MGST1: variants seen among roughly 807,000 people sequenced by gnomAD.
MGST1 encodes the protein glutathione S-transferase 12.
Under a neutral mutation model 8.9 loss-of-function variants are expected in MGST1, and 5 were observed. The ratio of observed to expected loss-of-function variants is 0.56; its 90% confidence interval spans 0.29 to 1.19. The LOEUF (loss-of-function observed/expected upper bound fraction) is 1.19, where lower values mean the gene tolerates loss of function less well. Ranked by LOEUF, MGST1 falls within the 50% of genes most tolerant of loss-of-function variation. The probability of loss-of-function intolerance (pLI) is 0.08; values close to 1 mark genes in which losing one functional copy is unlikely to be tolerated. For synonymous variants in MGST1, 54 were observed against 67.8 expected (o/e 0.80, Z 1.00); for missense variants, 182 against 187.4 (o/e 0.97, Z 0.17).
chr12:16,546,839 A>G lies in MGST1; in HGVS notation n.483-42689A>G, dbSNP rs1941829711. ...CATTATCCACAAACCCACCCCAACC[A>G]AGCCTGCCAAAAGCAAAAAAATGTC... On this transcript the variant is annotated intron_variant and non_coding_transcript_variant, in intron 4 of 4. Transcript: ENST00000538857. This position sits in a 1 kb window ranked among gnomAD's most constrained non-coding sequence, Gnocchi z 4.7. 6.6e-6 allele frequency among the ~76,000 whole-genome samples: 1 copy of G among 151,756 alleles called. No individual in the cohort carries two copies. Among genetic ancestry groups the G allele is most frequent in the Non-Finnish European group, 1.5e-5 (1 of 67,794 alleles).
chr12:16,353,114 AG>A, intron 1 of MGST1, among the ~76,000 whole-genome samples: 1 of 152,036 alleles, frequency 6.6e-6, no homozygotes, highest in East Asian at 1.9e-4. Context: ...GCTCACTGCA[AG>A]CTCTGCCTCC....
rs914551835 is a variant in MGST1, at chr12:16,485,018, C to G, written n.482+101414C>G. Reference sequence around the variant, plus strand: ...TGCTCATTACTACATCAAAATCGTTCTTGCTACAGTTAACAATATTCTATG... The same window carrying G: ...TGCTCATTACTACATCAAAATCGTTGTTGCTACAGTTAACAATATTCTATG... On this transcript the variant is annotated intron_variant and non_coding_transcript_variant, in intron 4 of 4. Coordinates refer to the MGST1 transcript ENST00000538857. Among the ~76,000 whole-genome samples, 5 of 152,198 alleles carry G rather than the reference C, an allele frequency of 3.3e-5. 1 individual carries two copies. The highest frequency in any genetic ancestry group is 9.7e-5 in the African/African-American group (4 of 41,450).
At chr12:16,437,725 A>G (rs1476631120) in exon 2 of MGST1, 1 of 152,044 alleles carries the variant, frequency 6.6e-6, no homozygotes, top group Non-Finnish European at 1.5e-5. Context: ...GAGGCAAGAA[A>G]TCACAAAGGC....
chr12:16,480,288 A>C (rs1057456856), intron 4 of MGST1, among the ~76,000 whole-genome samples: 1 of 151,872 alleles, frequency 6.6e-6, no homozygotes, highest in Non-Finnish European at 1.5e-5. Flanking sequence ...GACTACAGGC[A>C]TCCACCACCA....
intron 3 of MGST1, among the ~76,000 whole-genome samples, chr12:16,358,779 C>CTTTTTTTTTT (rs35081887): frequency 0.032 from 1,813 of 57,532 alleles, 137 homozygotes; most frequent in East Asian, 0.069. Flanking sequence ...AAATTCATTC[C>CTTTTTTTTTT]TTTTTTTTTT....
At chr12:16,521,348 C>A (rs1591750947) in intron 4 of MGST1, among the ~76,000 whole-genome samples, 1 of 152,002 alleles carries the variant, frequency 6.6e-6, no homozygotes, top group East Asian at 1.9e-4. Context: ...ATAACAAAAC[C>A]AAAAATGACC....
chr12:16,536,739 A>G (rs1011077825), intron 4 of MGST1, among the ~76,000 whole-genome samples: 1 of 152,196 alleles, frequency 6.6e-6, no homozygotes, highest in Admixed American at 6.5e-5. Flanking sequence ...AGAAACCCCA[A>G]TAAAACCATC....
chr12:16,535,819 A>G (rs1324769269), intron 4 of MGST1, among the ~76,000 whole-genome samples: 1 of 152,204 alleles, frequency 6.6e-6, no homozygotes, highest in Non-Finnish European at 1.5e-5. Flanking sequence ...TTTGGAAAAG[A>G]AGACCTTTGA....
Position 16,513,597 on chromosome 12 carries a change from C to G in MGST1, n.483-75931C>G. On this transcript the variant is annotated intron_variant and non_coding_transcript_variant, in intron 4 of 4. Transcript: ENST00000538857. This position sits in a 1 kb window ranked among gnomAD's most constrained non-coding sequence, Gnocchi z 4.2. Reference sequence around the variant, plus strand: ...ATCTGGGAGTTAGTGCCTACAGGGACCACAACGGAAAGCCTTACAGCATCC... The same window carrying G: ...ATCTGGGAGTTAGTGCCTACAGGGAGCACAACGGAAAGCCTTACAGCATCC... The G allele has an allele frequency of 2.0e-6, 1 of 494,488 alleles. No homozygotes were observed. The allele number at this position is 494,488 out of a possible 1,614,324, so 30.6% of individuals were successfully genotyped here. A position where few individuals can be genotyped will look rare whatever the true frequency, so the allele number is the denominator to read the frequency against.
intron 1 of MGST1, chr12:16,399,304 A>T (rs1016613966): frequency 6.2e-7 from 1 of 1,606,174 alleles, no homozygotes; most frequent in Non-Finnish European, 8.5e-7. Flanking sequence ...GGGGGTGCAG[A>T]GCTGTGTGTG....
At chr12:16,419,121 T>G (rs896526727) in intron 1 of MGST1, among the ~76,000 whole-genome samples, 1 of 152,186 alleles carries the variant, frequency 6.6e-6, no homozygotes, top group Admixed American at 6.5e-5. Context: ...CATTTGATTG[T>G]GGTCAGGTCA....
At chr12:16,402,311 T>G in intron 1 of MGST1, 2 of 1,595,168 alleles carry the variant, frequency 1.3e-6, no homozygotes, top group Non-Finnish European at 1.7e-6. Context: ...CAACACCCAC[T>G]GATGCAACAA....
intron 4 of MGST1, among the ~76,000 whole-genome samples, chr12:16,524,832 C>G (rs1249987752): frequency 6.6e-6 from 1 of 151,930 alleles, no homozygotes; most frequent in Non-Finnish European, 1.5e-5. Flanking sequence ...ATATATTAGT[C>G]TTGAAATAAA....
At chr12:16,434,494 G>A (rs1454564204) in intron 1 of MGST1, among the ~76,000 whole-genome samples, 4 of 151,296 alleles carry the variant, frequency 2.6e-5, no homozygotes, top group Non-Finnish European at 4.4e-5. Flanking sequence ...GCTTCAACTA[G>A]ATTTGGCTAG....
intron 4 of MGST1, among the ~76,000 whole-genome samples, chr12:16,566,038 A>C (rs11056998): frequency 1.1e-5 from 1 of 90,508 alleles, no homozygotes; most frequent in Non-Finnish European, 2.2e-5. Flanking sequence ...ATATATATAT[A>C]TAAAATGGAG....
chr12:16,387,162 A>G (rs572244043), intron 1 of MGST1, among the ~76,000 whole-genome samples: 6 of 152,330 alleles, frequency 3.9e-5, no homozygotes, highest in Non-Finnish European at 7.3e-5. Flanking sequence ...TATAAATTAA[A>G]CTTTATCATA....
Position 16,585,710 on chromosome 12 carries a change from C to A in MGST1, n.483-3818C>A, listed in dbSNP as rs1565502859. ...AATCCTCAGGTGATGTAAGCAGCTC[C>A]AAATATAATAATAGAAAGGAAAATA... On this transcript the variant is annotated intron_variant and non_coding_transcript_variant, in intron 4 of 4. Transcript: ENST00000538857. This position sits in a 1 kb window ranked among gnomAD's most constrained non-coding sequence, Gnocchi z 4.7. Among the ~76,000 whole-genome samples the A allele has an allele frequency of 6.6e-6, 1 of 151,868 alleles. No homozygotes were observed. Among genetic ancestry groups the A allele is most frequent in the Non-Finnish European group, 1.5e-5 (1 of 68,006 alleles).
At chr12:16,493,447 G>C (rs958957571) in intron 4 of MGST1, among the ~76,000 whole-genome samples, 4 of 152,124 alleles carry the variant, frequency 2.6e-5, no homozygotes, top group Non-Finnish European at 4.4e-5. Context: ...CTGGGAATAG[G>C]GAAGAAGTAT....
chr12:16,577,183 A>C (rs968869165), intron 4 of MGST1, among the ~76,000 whole-genome samples: 1 of 152,184 alleles, frequency 6.6e-6, no homozygotes, highest in African/African-American at 2.4e-5. Context: ...TACTCTAAAG[A>C]GTTAACAAAC....
Sources: gnomAD v4.1 joint callset for allele counts (sites outside exome capture counted in the v4.1 genomes callset) on GRCh38, gnomAD v4.1.1 for gene constraint, Gnocchi (gnomAD v3.1) non-coding constraint, MANE v1.5 for transcripts, NCBI Gene and HGNC (gene_info 2026-07-23, HGNC 2026-07-21) for gene names.